The following IMMP2L variants were observed in gnomAD, a reference collection of about 807,000 sequenced individuals.
IMMP2L encodes mitochondrial inner membrane protease subunit 2.
IMMP2L carries 18 observed loss-of-function variants against 19.3 expected under a neutral mutation model. The ratio of observed to expected loss-of-function variants is 0.93; its 90% CI spans 0.64 to 1.38. IMMP2L has a LOEUF of 1.38. Ranked by LOEUF, IMMP2L falls within the 40% of genes most tolerant of loss-of-function variation. The pLI, the probability that IMMP2L is intolerant of heterozygous loss-of-function variation, is 0.00. For synonymous variants in IMMP2L, 76 were observed against 73.0 expected (o/e 1.04, Z -0.21); for missense variants, 233 against 218.2 (o/e 1.07, Z -0.43).
At chr7:111,395,404 C>T (rs1195336369) in intron 3 of IMMP2L, among the ~76,000 whole-genome samples, 1 of 152,206 alleles carries the variant, frequency 6.6e-6, no homozygotes, top group Non-Finnish European at 1.5e-5. Flanking sequence ...TGTCTCCACA[C>T]ATTACTACAT....
chr7:111,239,402 A>G (rs111568989), intron 3 of IMMP2L, among the ~76,000 whole-genome samples: 3 of 152,036 alleles, frequency 2.0e-5, no homozygotes, highest in Non-Finnish European at 2.9e-5. Context: ...AACTTTCGAT[A>G]AAATTTGAAT....
At chr7:111,540,355 T>A (rs1848404293) in intron 1 of IMMP2L, among the ~76,000 whole-genome samples, 1 of 152,162 alleles carries the variant, frequency 6.6e-6, no homozygotes, top group Non-Finnish European at 1.5e-5. Flanking sequence ...TGCCAACCTG[T>A]GCACAACATT....
rs535341412 is a variant in IMMP2L, at chr7:110,835,122, T to C, written c.408+51471A>G. Among the ~76,000 whole-genome samples the C allele has an allele frequency of 3.3e-5, 5 of 152,274 alleles. No individual in the cohort carries two copies. The South Asian group carries it at 6.2e-4, about 19-fold the overall frequency. ...GGAATAAGTATGTAAAACAGGTAGC[T>C]AAATCACCTTTAGTGCTCAGAGCAG... On this transcript the variant is annotated intron_variant, in intron 5 of 5. Coordinates refer to ENST00000405709, the MANE Select transcript of IMMP2L (RefSeq NM_032549.4).
intron 3 of IMMP2L, among the ~76,000 whole-genome samples, chr7:110,969,224 T>C (rs969844847): frequency 1.3e-5 from 2 of 152,088 alleles, no homozygotes; most frequent in African/African-American, 4.8e-5. Context: ...AGTGTGAACT[T>C]TGTACATACT....
chr7:111,181,284 T>G (rs1034427708), intron 3 of IMMP2L, among the ~76,000 whole-genome samples: 5 of 152,024 alleles, frequency 3.3e-5, no homozygotes, highest in Non-Finnish European at 5.9e-5. Flanking sequence ...TAAGAATGGA[T>G]AATATTTCCC....
intron 3 of IMMP2L, among the ~76,000 whole-genome samples, chr7:111,094,504 G>T (rs1797200202): frequency 6.6e-6 from 1 of 152,166 alleles, no homozygotes; most frequent in African/African-American, 2.4e-5. Context: ...CTGGTTCTGA[G>T]AGTTTAGCTA....
intron 3 of IMMP2L, among the ~76,000 whole-genome samples, chr7:111,172,954 A>G (rs1806619518): frequency 6.6e-6 from 1 of 151,604 alleles, no homozygotes; most frequent in Admixed American, 6.6e-5. Flanking sequence ...TAGAACTACT[A>G]TTTTCTGTAT....
At chr7:111,558,107 C>T (rs776457470) in intron 1 of IMMP2L, among the ~76,000 whole-genome samples, 2 of 152,084 alleles carry the variant, frequency 1.3e-5, no homozygotes, top group Non-Finnish European at 2.9e-5. Context: ...GAGTTTCCAG[C>T]GGAACAGTTG....
At chr7:110,679,811 A>C (rs1792578004) in intron 5 of IMMP2L, among the ~76,000 whole-genome samples, 1 of 152,240 alleles carries the variant, frequency 6.6e-6, no homozygotes, top group African/African-American at 2.4e-5. Flanking sequence ...AAATGAAAGA[A>C]GATAAATAAA....
intron 3 of IMMP2L, among the ~76,000 whole-genome samples, chr7:111,048,266 GA>G (rs1395699136): frequency 3.6e-5 from 4 of 110,770 alleles, no homozygotes; most frequent in Non-Finnish European, 5.5e-5. Context: ...AAAAAAAAAA[GA>G]AAAAAAGAAA....
At chr7:111,138,515 T>C (rs10487304) in intron 3 of IMMP2L, among the ~76,000 whole-genome samples, 104,660 of 152,120 alleles carry the variant, frequency 0.69, 39,543 homozygotes, top group East Asian at 0.9. Flanking sequence ...ATATAATTCA[T>C]TGTTTCTTAT....
chr7:111,234,297 C>T (rs1269470152), intron 3 of IMMP2L, among the ~76,000 whole-genome samples: 1 of 152,060 alleles, frequency 6.6e-6, no homozygotes, highest in Non-Finnish European at 1.5e-5. Context: ...TTGTATGATA[C>T]AGATGCCAGT....
chr7:111,016,816 T>TATA (rs1563163025), intron 3 of IMMP2L, among the ~76,000 whole-genome samples: 9 of 49,824 alleles, frequency 1.8e-4, no homozygotes, highest in South Asian at 1.2e-3. Flanking sequence ...ATACTATATA[T>TATA]TATATATAAT....
chr7:110,872,868 T>C (rs1217906169), intron 5 of IMMP2L, among the ~76,000 whole-genome samples: 1 of 152,196 alleles, frequency 6.6e-6, no homozygotes, highest in Non-Finnish European at 1.5e-5. Context: ...CTCATGGCCA[T>C]GGGATCAGCC....
chr7:111,521,297 G>A lies in IMMP2L; in HGVS notation c.135+16C>T. The A allele has an allele frequency of 2.5e-6, 4 of 1,606,736 alleles. No individual in the cohort carries two copies. The highest frequency in any genetic ancestry group is 3.4e-6 in the Non-Finnish European group (4 of 1,176,650). On this transcript the variant is annotated intron_variant, in intron 2 of 5. Coordinates refer to ENST00000405709, the MANE Select transcript of IMMP2L (RefSeq NM_032549.4). ...TGAAGTATGTGCTTTAAAGAACGAA[G>A]TTATATCATTTTCACCTGCATCGAT...
At chr7:111,493,383 C>A (rs1843272453) in intron 2 of IMMP2L, among the ~76,000 whole-genome samples, 1 of 152,092 alleles carries the variant, frequency 6.6e-6, no homozygotes, top group African/African-American at 2.4e-5. Flanking sequence ...TTCTGTACTT[C>A]ACTAAAAACA....
At chr7:111,212,693 G>A (rs779707517) in intron 3 of IMMP2L, among the ~76,000 whole-genome samples, 3 of 152,238 alleles carry the variant, frequency 2.0e-5, no homozygotes, top group Non-Finnish European at 4.4e-5. Flanking sequence ...TATACATAAT[G>A]GATGAATAAA....
At chr7:110,959,890 G>A (rs1818754037) in intron 4 of IMMP2L, among the ~76,000 whole-genome samples, 1 of 151,864 alleles carries the variant, frequency 6.6e-6, no homozygotes, top group African/African-American at 2.4e-5. Context: ...TGTTTCTGCT[G>A]TAAACCCAAT....
chr7:110,814,710 T>C (rs925416555), intron 5 of IMMP2L, among the ~76,000 whole-genome samples: 1 of 148,604 alleles, frequency 6.7e-6, no homozygotes, highest in African/African-American at 2.4e-5. Flanking sequence ...GATATATATA[T>C]ATATATATGT....
Sources: gnomAD v4.1 joint callset for allele counts (sites outside exome capture counted in the v4.1 genomes callset) on GRCh38, gnomAD v4.1.1 for gene constraint, MANE v1.5 for transcripts, NCBI Gene and HGNC (gene_info 2026-07-23, HGNC 2026-07-21) for gene names.